Variants in MCC observed in about 807,000 individuals in gnomAD.
The protein encoded by MCC is colorectal mutant cancer protein.
A neutral mutation model predicts 116.2 loss-of-function variants in MCC; 90 were observed. The ratio of observed to expected loss-of-function variants is 0.77; its 90% CI spans 0.65 to 0.92. The LOEUF (loss-of-function observed/expected upper bound fraction) is 0.92, where lower values mean the gene tolerates loss of function less well. MCC is among the 40% of genes least tolerant of loss of function. The pLI is 0.00. For synonymous variants in MCC, 578 were observed against 510.5 expected (o/e 1.13, Z -1.78); for missense variants, 1,516 against 1,312.2 (o/e 1.16, Z -2.40).
intron 3 of MCC, among the ~76,000 whole-genome samples, chr5:113,158,034 A>T (rs968174323): frequency 6.6e-6 from 1 of 152,222 alleles, no homozygotes; most frequent in Non-Finnish European, 1.5e-5. Flanking sequence ...GATATGCTGG[A>T]CAAAGGAAGG....
intron 1 of MCC, 21 bp downstream of exon 1, chr5:113,488,224 T>A: frequency 6.3e-7 from 1 of 1,579,928 alleles, no homozygotes; most frequent in Non-Finnish European, 8.6e-7. Flanking sequence ...CCTGTCGGTT[T>A]CCTCGTACCT....
At chr5:113,251,735 A>G (rs1764812482) in intron 3 of MCC, among the ~76,000 whole-genome samples, 1 of 152,210 alleles carries the variant, frequency 6.6e-6, no homozygotes, top group Non-Finnish European at 1.5e-5. Context: ...TCAAAACAAA[A>G]CAAAATACTG....
intron 3 of MCC, among the ~76,000 whole-genome samples, chr5:113,225,705 T>C (rs940999338): frequency 2.4e-4 from 36 of 152,336 alleles, no homozygotes; most frequent in African/African-American, 8.7e-4. Flanking sequence ...CCTGGTTCAC[T>C]GACATGTGCT....
intron 3 of MCC, among the ~76,000 whole-genome samples, chr5:113,338,274 C>G (rs1767918178): frequency 6.6e-6 from 1 of 152,194 alleles, no homozygotes; most frequent in Non-Finnish European, 1.5e-5. Flanking sequence ...AGTGTTCCCT[C>G]ATTTCTAAAG....
intron 3 of MCC, among the ~76,000 whole-genome samples, chr5:113,264,879 T>C (rs1004320275): frequency 3.3e-5 from 5 of 152,038 alleles, no homozygotes; most frequent in Non-Finnish European, 5.9e-5. Context: ...CCATCTCTAC[T>C]AAAAATACAA....
At chr5:113,426,088 G>T (rs941318312) in intron 1 of MCC, among the ~76,000 whole-genome samples, 3 of 152,106 alleles carry the variant, frequency 2.0e-5, no homozygotes, top group Admixed American at 6.5e-5. Flanking sequence ...AAGGCAGGCA[G>T]CCAGGCCCAG....
intron 3 of MCC, among the ~76,000 whole-genome samples, chr5:113,298,392 A>G (rs1766764530): frequency 6.6e-6 from 1 of 152,246 alleles, no homozygotes; most frequent in Non-Finnish European, 1.5e-5. Flanking sequence ...TGTCCTTCAA[A>G]GATAGATTCC....
chr5:113,218,460 G>T (rs1227451176), intron 3 of MCC, among the ~76,000 whole-genome samples: 3 of 152,134 alleles, frequency 2.0e-5, no homozygotes, highest in African/African-American at 7.2e-5. Flanking sequence ...GCTCAACCAG[G>T]AGGGCAGAAG....
At position 113,025,256 on chromosome 5, in the gene MCC, TGGGG is replaced by T. The variant is rs1561723733; in HGVS notation, c.*2042_*2045del. ...TAGTGAAAACTGATTTTTTTTTTTT[TGGGG>T]CATATGTTTTTCAGCCAAAACATTT... is the stretch of plus-strand genomic sequence containing the variant. On this transcript the variant is annotated 3_prime_UTR_variant, in exon 19 of 19. Coordinates refer to ENST00000408903, the MANE Select transcript of MCC (RefSeq NM_001085377.2). The T allele has an allele frequency of 6.6e-6, 1 of 151,136 alleles. No individual in the cohort carries two copies. Among genetic ancestry groups the T allele is most frequent in the Non-Finnish European group, 1.5e-5 (1 of 67,776 alleles). The allele number at this position is 151,136 out of a possible 1,614,324, so 9.4% of individuals were successfully genotyped here. A position where few individuals can be genotyped will look rare whatever the true frequency, so the allele number is the denominator to read the frequency against.
chr5:113,361,015 G>A (rs1768532423), intron 2 of MCC, among the ~76,000 whole-genome samples: 1 of 152,138 alleles, frequency 6.6e-6, no homozygotes, highest in African/African-American at 2.4e-5. Context: ...ATGTCTAGGG[G>A]CTTTGCATTT....
chr5:113,330,042 C>T (rs534945651), intron 3 of MCC, among the ~76,000 whole-genome samples: 4 of 152,282 alleles, frequency 2.6e-5, no homozygotes, highest in South Asian at 2.1e-4. Context: ...TCTAACTTAG[C>T]ACATAAACTA....
chr5:113,028,380 ATTT>A (rs67842639), intron 18 of MCC, among the ~76,000 whole-genome samples: 1 of 150,340 alleles, frequency 6.7e-6, no homozygotes, highest in African/African-American at 2.4e-5. Context: ...TAAAAATGCC[ATTT>A]TTTTTTTTGT....
chr5:113,140,060 A>G (rs983373013), intron 5 of MCC, among the ~76,000 whole-genome samples: 10 of 152,216 alleles, frequency 6.6e-5, no homozygotes, highest in Admixed American at 6.5e-4. Context: ...GGAACATACA[A>G]TAAAACTTCC....
intron 3 of MCC, among the ~76,000 whole-genome samples, chr5:113,287,052 T>G (rs1036765251): frequency 6.6e-6 from 1 of 152,146 alleles, no homozygotes; most frequent in African/African-American, 2.4e-5. Flanking sequence ...GTGAAAGATA[T>G]CACTGTTGGG....
chr5:113,076,223 G>A (rs1314440544), intron 11 of MCC, among the ~76,000 whole-genome samples: 3 of 152,268 alleles, frequency 2.0e-5, no homozygotes, highest in South Asian at 2.1e-4. Context: ...GAACCAAGCT[G>A]GAAAGCACTC....
At chr5:113,263,417 T>G (rs1196972410) in intron 3 of MCC, among the ~76,000 whole-genome samples, 1 of 152,198 alleles carries the variant, frequency 6.6e-6, no homozygotes, top group Non-Finnish European at 1.5e-5. Context: ...TTACTACTGA[T>G]TTATCAATAG....
At chr5:113,377,831 T>C (rs1350998684) in intron 2 of MCC, among the ~76,000 whole-genome samples, 1 of 152,194 alleles carries the variant, frequency 6.6e-6, no homozygotes, top group Non-Finnish European at 1.5e-5. Context: ...AAGGCCTTTA[T>C]AACTCCCAAT....
chr5:113,290,472 T>C (rs1018170349), intron 3 of MCC, among the ~76,000 whole-genome samples: 3 of 152,216 alleles, frequency 2.0e-5, no homozygotes, highest in Non-Finnish European at 2.9e-5. Context: ...TAAAAATAAA[T>C]TTTTATTTTT....
chr5:113,359,500 A>C (rs879260569), intron 2 of MCC, among the ~76,000 whole-genome samples: 1 of 152,260 alleles, frequency 6.6e-6, no homozygotes. Context: ...ATTCTCCTCC[A>C]GCTCTAGCTT....
Sources: gnomAD v4.1 joint callset for allele counts (sites outside exome capture counted in the v4.1 genomes callset) on GRCh38, gnomAD v4.1.1 for gene constraint, MANE v1.5 for transcripts, NCBI Gene and HGNC (gene_info 2026-07-23, HGNC 2026-07-21) for gene names.